DNAJC13: variants seen among roughly 807,000 people sequenced by gnomAD.
DNAJC13 encodes dnaJ homolog subfamily C member 13.
A neutral mutation model predicts 290.5 loss-of-function variants in DNAJC13; 75 were observed. That is an observed-to-expected ratio of 0.26 (90% CI 0.21 to 0.31). The LOEUF is 0.31. DNAJC13 is among the 10% of genes least tolerant of loss of function. DNAJC13 has a pLI of 1.00. For missense variants in DNAJC13, 2,260 were observed against 2,674.5 expected (o/e 0.85, Z 3.42); for synonymous variants, 862 against 892.0 (o/e 0.97, Z 0.60).
chr3:132,514,169 A>G lies in DNAJC13; in HGVS notation c.5386-402A>G, dbSNP rs555089799. ...TGTGAGTGGTCATCCTTTCTGAAAG[A>G]AAAACATACCTATTTCTTTATAATA... On this transcript the variant is annotated intron_variant, in intron 45 of 55. Transcript: ENST00000260818. Among the ~76,000 whole-genome samples, 4 of 152,306 alleles carry G rather than the reference A, an allele frequency of 2.6e-5. No individual in the cohort carries two copies. In the East Asian group the frequency reaches 7.7e-4, roughly 29 times the overall value.
At chr3:132,422,123 T>C (rs899847215) in intron 1 of DNAJC13, among the ~76,000 whole-genome samples, 46 of 152,034 alleles carry the variant, frequency 3.0e-4, no homozygotes, top group Non-Finnish European at 5.7e-4. Flanking sequence ...CCTGATCTCC[T>C]GGGCTCAAGC....
At chr3:132,420,212 CTG>C (rs1938915719) in intron 1 of DNAJC13, among the ~76,000 whole-genome samples, 1 of 152,212 alleles carries the variant, frequency 6.6e-6, no homozygotes, top group South Asian at 2.1e-4. Context: ...CTAGAAAAGA[CTG>C]GAAAGAACCC....
At chr3:132,512,158 TATTG>T (rs1163533978) in intron 44 of DNAJC13, among the ~76,000 whole-genome samples, 1 of 152,170 alleles carries the variant, frequency 6.6e-6, no homozygotes, top group Non-Finnish European at 1.5e-5. Flanking sequence ...CAGAGCAGAC[TATTG>T]ATTTGGAACT....
At chr3:132,514,921 T>TACGCCGTCCACC in intron 46 of DNAJC13, 1 of 194,554 alleles carries the variant, frequency 5.1e-6, no homozygotes, top group Non-Finnish European at 9.2e-6. Flanking sequence ...TTCAGTTTGT[T>TACGCCGTCCACC]GAGATCTACA....
intron 1 of DNAJC13, among the ~76,000 whole-genome samples, chr3:132,428,497 T>C (rs1939162492): frequency 6.6e-6 from 1 of 152,066 alleles, no homozygotes; most frequent in Non-Finnish European, 1.5e-5. Context: ...TAAATAGAGA[T>C]GGGGGTCTTG....
At chr3:132,507,614 A>G (rs1935637074) in intron 43 of DNAJC13, among the ~76,000 whole-genome samples, 2 of 151,840 alleles carry the variant, frequency 1.3e-5, no homozygotes, top group South Asian at 2.1e-4. Flanking sequence ...ACACTTTTTC[A>G]TTATCACATT....
intron 12 of DNAJC13, 146 bp from the exon 13 acceptor site, chr3:132,457,123 T>G: frequency 1.4e-6 from 1 of 706,172 alleles, no homozygotes; most frequent in East Asian, 2.8e-5. Context: ...AAAACTATTA[T>G]GAAGACTGAT....
chr3:132,463,586 A>G (rs1001068894), intron 16 of DNAJC13, 110 bp from the exon 17 acceptor site: 4 of 1,308,294 alleles, frequency 3.1e-6, no homozygotes, highest in African/African-American at 1.5e-5. Flanking sequence ...AAAAACTTCT[A>G]TTACATACTG....
intron 54 of DNAJC13, among the ~76,000 whole-genome samples, chr3:132,530,716 C>A (rs561684067): frequency 6.6e-6 from 1 of 152,356 alleles, no homozygotes; most frequent in Non-Finnish European, 1.5e-5. Context: ...GCATAGGTAT[C>A]TTCCTCCTTG....
chr3:132,486,862 A>G (rs1934895084), intron 29 of DNAJC13, among the ~76,000 whole-genome samples: 1 of 152,098 alleles, frequency 6.6e-6, no homozygotes, highest in Non-Finnish European at 1.5e-5. Flanking sequence ...TAGTATAGTG[A>G]TAGTTTGAAA....
At chr3:132,513,948 A>G (rs1935849068) in intron 45 of DNAJC13, among the ~76,000 whole-genome samples, 1 of 152,228 alleles carries the variant, frequency 6.6e-6, no homozygotes, top group Non-Finnish European at 1.5e-5. Flanking sequence ...ATTTTGGCTT[A>G]AAACAGATTT....
At chr3:132,472,619 G>A in intron 20 of DNAJC13, 1 of 982,098 alleles carries the variant, frequency 1.0e-6, no homozygotes. Context: ...AAGCTGCCTG[G>A]CATGTGGAGT....
chr3:132,433,962 C>A (rs1184746602), intron 1 of DNAJC13, among the ~76,000 whole-genome samples: 4 of 152,284 alleles, frequency 2.6e-5, no homozygotes, highest in South Asian at 4.1e-4. Flanking sequence ...GCCTGTAATC[C>A]CAGCACTTTG....
At chr3:132,470,634 C>A (rs201055088) in intron 20 of DNAJC13, among the ~76,000 whole-genome samples, 1 of 144,538 alleles carries the variant, frequency 6.9e-6, no homozygotes, top group African/African-American at 2.6e-5. Context: ...CCCCACCTCC[C>A]TCCCGGACGG....
At chr3:132,489,155 A>G (rs779246793) in intron 31 of DNAJC13, 134 bp downstream of exon 31, 77 of 639,260 alleles carry the variant, frequency 1.2e-4, no homozygotes, top group Non-Finnish European at 1.9e-4. Flanking sequence ...CTGTTCTTAC[A>G]TTGTTTGTGG....
Position 132,450,828 on chromosome 3 carries a change from A to G in DNAJC13, c.518A>G (p.Tyr173Cys). 6.3e-7 allele frequency: 1 copy of G among 1,575,436 alleles called. No individual in the cohort carries two copies. The highest frequency in any genetic ancestry group is 1.1e-5 in the South Asian group (1 of 88,388). The change falls in exon 6 of 56, where the codon TAT (tyrosine) becomes TGT (cysteine). Residue 173 changes from tyrosine to cysteine, a missense_variant. Physicochemically the swap from Tyr to Cys is radical, Grantham distance 194. Around this residue, in one of 3 missense-constraint regions of DNAJC13, gnomAD observed 762 missense variants for 964.1 expected, o/e 0.79. Transcript: ENST00000260818. ...SDYQGGFCIL[Y>C]GGFSRLHLFA... ...TATCAAGGAGGATTTTGTATACTTT[A>G]TGGAGGATTTAGTAGATTGGTAAGT...
chr3:132,528,478 G>A lies in DNAJC13; in HGVS notation c.6525+146G>A, dbSNP rs1457288866. 1.8e-5 allele frequency: 17 copies of A among 919,974 alleles called. 1 individual carries two copies. Among genetic ancestry groups the A allele is most frequent in the Admixed American group, 2.7e-5 (1 of 36,584 alleles). The allele number at this position is 919,974 out of a possible 1,614,324, so 57.0% of individuals were successfully genotyped here. On this transcript the variant is annotated intron_variant, in intron 54 of 55. Coordinates refer to ENST00000260818, the MANE Select transcript of DNAJC13 (RefSeq NM_015268.4). ...AGATCCAGAGCCCAAGGATGGACTT[G>A]CATACCTGCCTCATAACTGATGAAA...
intron 51 of DNAJC13, 22 bp from the exon 52 acceptor site, chr3:132,525,588 T>C: frequency 6.2e-7 from 1 of 1,610,364 alleles, no homozygotes; most frequent in Non-Finnish European, 8.5e-7. Flanking sequence ...ATAGTTGATT[T>C]ATTTTTGTTT....
intron 1 of DNAJC13, among the ~76,000 whole-genome samples, chr3:132,423,986 A>G (rs990876356): frequency 6.6e-6 from 1 of 152,172 alleles, no homozygotes; most frequent in Non-Finnish European, 1.5e-5. Context: ...GATAAGCTTA[A>G]TAAGTTGATA....
Sources: allele counts gnomAD v4.1 joint callset (sites outside exome capture counted in the v4.1 genomes callset), GRCh38; gene constraint gnomAD v4.1.1; regional missense constraint gnomAD v4.1.1; transcripts MANE v1.5; gene names NCBI Gene and HGNC (gene_info 2026-07-23, HGNC 2026-07-21).